Variants in ULK4 observed in about 807,000 individuals in gnomAD.
ULK4 encodes the protein inactive serine/threonine-protein kinase ULK4.
ULK4 carries 133 observed loss-of-function variants against 160.6 expected under a neutral mutation model. The observed-to-expected ratio is 0.83, with a 90% CI of 0.72 to 0.96. The LOEUF (loss-of-function observed/expected upper bound fraction) is 0.96, where lower values mean the gene tolerates loss of function less well. Among genes scored for constraint, ULK4 ranks in the 40% least tolerant of loss-of-function variants. ULK4 has a pLI of 0.00. For synonymous variants in ULK4, 534 were observed against 539.8 expected (o/e 0.99, Z 0.15); for missense variants, 1,580 against 1,499.5 (o/e 1.05, Z -0.89).
intron 2 of ULK4, among the ~76,000 whole-genome samples, 192 bp from the exon 3 acceptor site, chr3:41,938,389 C>T (rs1426559207): frequency 1.3e-5 from 2 of 152,040 alleles, no homozygotes; most frequent in Admixed American, 1.3e-4. Flanking sequence ...TAAAAATAAA[C>T]TTTTCTGGCG....
At position 41,776,031 on chromosome 3, in the gene ULK4, C is replaced by A. The variant is rs190901966; in HGVS notation, c.2193+13630G>T. The stretch of plus-strand genomic sequence containing the variant: ...ATGTATTTTTTGGCTCAGGTATGTG[C>A]ATCTTCAACTTCATTAAAGATTATA... On this transcript the variant is annotated intron_variant, in intron 21 of 36. Coordinates refer to ENST00000301831, the MANE Select transcript of ULK4 (RefSeq NM_017886.4). Among the ~76,000 whole-genome samples, 73 of 150,996 alleles carry A rather than the reference C, an allele frequency of 4.8e-4. 6 individuals are homozygous for A. The highest frequency in any genetic ancestry group is 1.6e-3 in the African/African-American group (63 of 40,352).
chr3:41,488,814 G>A (rs2084639639), intron 32 of ULK4, among the ~76,000 whole-genome samples: 1 of 152,172 alleles, frequency 6.6e-6, no homozygotes, highest in Non-Finnish European at 1.5e-5. Context: ...GCCACTTGTG[G>A]GACATTAAAG....
chr3:41,370,862 C>A (rs1469242273), intron 35 of ULK4, among the ~76,000 whole-genome samples: 2 of 152,192 alleles, frequency 1.3e-5, no homozygotes, highest in African/African-American at 4.8e-5. Context: ...CGGATTCTAC[C>A]CCCATGGAGC....
At chr3:41,951,243 A>C (rs984460192) in intron 2 of ULK4, among the ~76,000 whole-genome samples, 2 of 151,846 alleles carry the variant, frequency 1.3e-5, no homozygotes, top group Non-Finnish European at 2.9e-5. Flanking sequence ...ATTAACATTC[A>C]AATACTACCC....
intron 35 of ULK4, among the ~76,000 whole-genome samples, chr3:41,323,229 G>A (rs986132519): frequency 2.0e-5 from 3 of 152,022 alleles, no homozygotes; most frequent in Non-Finnish European, 4.4e-5. Context: ...GAGCCACCAT[G>A]CCCGGCCATT....
intron 18 of ULK4, among the ~76,000 whole-genome samples, chr3:41,828,717 T>C (rs1045414980): frequency 6.6e-6 from 1 of 151,872 alleles, no homozygotes; most frequent in African/African-American, 2.4e-5. Flanking sequence ...ATGGCCATAC[T>C]GCCCAAGATA....
Position 41,467,325 on chromosome 3 carries a change from G to A in ULK4, c.3227-4072C>T, listed in dbSNP as rs145553802. Among the ~76,000 whole-genome samples the A allele has an allele frequency of 6.9e-4, 105 of 152,176 alleles. No individual in the cohort carries two copies. In the East Asian group the frequency reaches 0.018, roughly 26 times the overall value. Reference sequence around the variant, plus strand: ...GGCAGATCACTTGAGGCAGGAATTCGAGACCAGCCTGACCAACATGGTGAA... The same window carrying A: ...GGCAGATCACTTGAGGCAGGAATTCAAGACCAGCCTGACCAACATGGTGAA... On this transcript the variant is annotated intron_variant, in intron 32 of 36. Transcript: ENST00000301831.
chr3:41,420,166 T>C (rs1450509327), intron 34 of ULK4, among the ~76,000 whole-genome samples: 1 of 152,066 alleles, frequency 6.6e-6, no homozygotes, highest in Non-Finnish European at 1.5e-5. Context: ...ATTTTCTTGG[T>C]TAGTCTCTCA....
chr3:41,332,827 C>T (rs1198849080), intron 35 of ULK4, among the ~76,000 whole-genome samples: 2 of 152,124 alleles, frequency 1.3e-5, no homozygotes, highest in African/African-American at 4.8e-5. Flanking sequence ...CTCTAGTAGT[C>T]CTCTGTGTCT....
intron 19 of ULK4, among the ~76,000 whole-genome samples, chr3:41,800,615 C>A (rs2040428025): frequency 1.3e-5 from 2 of 152,106 alleles, no homozygotes; most frequent in South Asian, 4.1e-4. Flanking sequence ...GGAAAATAAA[C>A]AAAATAACTA....
chr3:41,608,630 G>C (rs1006232007), intron 31 of ULK4, among the ~76,000 whole-genome samples: 7 of 152,184 alleles, frequency 4.6e-5, no homozygotes, highest in African/African-American at 1.7e-4. Context: ...TAGTGTGATG[G>C]AGCAATGCCT....
At chr3:41,637,529 T>A (rs1445058429) in intron 30 of ULK4, among the ~76,000 whole-genome samples, 2 of 152,226 alleles carry the variant, frequency 1.3e-5, no homozygotes, top group African/African-American at 2.4e-5. Flanking sequence ...TTTCAGATAG[T>A]GATTTCAATC....
intron 30 of ULK4, among the ~76,000 whole-genome samples, chr3:41,642,895 A>G (rs1040118008): frequency 6.6e-6 from 1 of 152,136 alleles, no homozygotes; most frequent in Admixed American, 6.5e-5. Flanking sequence ...AACTGGTGTG[A>G]GATGGTATCT....
At chr3:41,887,842 C>G (rs572357629) in intron 16 of ULK4, among the ~76,000 whole-genome samples, 174 of 151,600 alleles carry the variant, frequency 1.1e-3, no homozygotes, top group African/African-American at 4.1e-3. Flanking sequence ...AAAAGCACTT[C>G]TATATACCTT....
At chr3:41,335,419 C>T (rs896541505) in intron 35 of ULK4, among the ~76,000 whole-genome samples, 1 of 152,046 alleles carries the variant, frequency 6.6e-6, no homozygotes, top group African/African-American at 2.4e-5. Context: ...AGAATAACTC[C>T]ATCTTCATAT....
chr3:41,650,578 G>A (rs1021070984), intron 30 of ULK4, among the ~76,000 whole-genome samples: 2 of 152,216 alleles, frequency 1.3e-5, no homozygotes, highest in African/African-American at 4.8e-5. Flanking sequence ...CTGACTGTGC[G>A]CAGTGGACAG....
intron 20 of ULK4, among the ~76,000 whole-genome samples, chr3:41,795,836 G>T (rs896545781): frequency 6.6e-6 from 1 of 152,224 alleles, no homozygotes; most frequent in South Asian, 2.1e-4. Flanking sequence ...CCAGGTGAGA[G>T]ATGGCAGTGG....
At position 41,935,751 on chromosome 3, in the gene ULK4, T is replaced by C. The variant is rs774439050; in HGVS notation, c.378+50A>G. ...AATAACAACATCTTTGAGAAAGCAC[T>C]CTAATTTGAGACAGAAGCAGTTAGA... On this transcript the variant is annotated intron_variant, in intron 4 of 36. Transcript: ENST00000301831. 25 of 1,553,322 alleles carry C rather than the reference T, an allele frequency of 1.6e-5. No individual in the cohort carries two copies. The African/African-American group carries it at 2.8e-4, about 17-fold the overall frequency.
chr3:41,752,429 T>C (rs548135678), intron 22 of ULK4, among the ~76,000 whole-genome samples: 9 of 152,094 alleles, frequency 5.9e-5, no homozygotes, highest in African/African-American at 1.4e-4. Flanking sequence ...AACCAAAAAA[T>C]AGCCAAAATA....
Sources: allele counts gnomAD v4.1 joint callset (sites outside exome capture counted in the v4.1 genomes callset), GRCh38; gene constraint gnomAD v4.1.1; transcripts MANE v1.5; gene names NCBI Gene and HGNC (gene_info 2026-07-23, HGNC 2026-07-21).